NOTCH2NLR: variants seen among roughly 807,000 people sequenced by gnomAD.
NOTCH2NLR encodes notch 2 N-terminal like R, also known as notch 2 N-terminal like R (pseudogene).
NOTCH2NLR carries 33 observed loss-of-function variants against 35.6 expected under a neutral mutation model. The ratio of observed to expected loss-of-function variants is 0.93; its 90% CI spans 0.70 to 1.24. The LOEUF is 1.24. Ranked by LOEUF, NOTCH2NLR falls within the 50% of genes most tolerant of loss-of-function variation. The pLI is 0.00. For synonymous variants in NOTCH2NLR, 103 were observed against 141.0 expected (o/e 0.73, Z 1.91); for missense variants, 276 against 362.2 (o/e 0.76, Z 1.93).
At chr1:120,730,654 G>A (rs1650865940) in intron 1 of NOTCH2NLR, among the ~76,000 whole-genome samples, 1 of 109,908 alleles carries the variant, frequency 9.1e-6, no homozygotes, top group Admixed American at 8.8e-5. Context: ...TCTTAAAAAG[G>A]AGAGTAAAGC....
At chr1:120,752,546 ATATATATATTT>A (rs1228097117) in intron 1 of NOTCH2NLR, among the ~76,000 whole-genome samples, 12 of 12,758 alleles carry the variant, frequency 9.4e-4, no homozygotes, top group African/African-American at 3.8e-3. Context: ...ATATATATAT[ATATATATATTT>A]TTTTTTTTTT....
In NOTCH2NLR at chr1:120,793,734, G is replaced by T; in HGVS notation, c.752-13G>T. On this transcript the variant is annotated splice_polypyrimidine_tract_variant and intron_variant, in intron 4 of 4. Coordinates refer to ENST00000624419, the Ensembl canonical transcript of NOTCH2NLR. ...ATGAGTGGCTAGAAAATTGTTTATT[G>T]TCCCTTTTGTAGAAACAGTGAGAAA... The T allele has an allele frequency of 1.7e-5, 12 of 711,794 alleles. 4 individuals are homozygous for T. The highest frequency in any genetic ancestry group is 3.0e-5 in the South Asian group (2 of 65,634). 44.1% of individuals were successfully genotyped at this position (711,794 alleles called of 1,614,324 possible).
At position 120,784,880 on chromosome 1, in the gene NOTCH2NLR, C is replaced by T. The variant is rs1323027618; in HGVS notation, c.156-94C>T. On this transcript the variant is annotated intron_variant, in intron 2 of 4. Transcript: ENST00000624419. ...TTGTAGGTCTGTTGATTCACAATCT[C>T]GTGCTTTCTTGATTGGACTGTATTG... 1,998 of 1,037,520 alleles carry T rather than the reference C, an allele frequency of 1.9e-3. 342 individuals are homozygous for T. The highest frequency in any genetic ancestry group is 8.9e-3 in the Middle Eastern group (33 of 3,716). 64.3% of individuals were successfully genotyped at this position (1,037,520 alleles called of 1,614,324 possible).
At chr1:120,784,001 G>A (rs1361877167) in intron 2 of NOTCH2NLR, among the ~76,000 whole-genome samples, 1 of 112,136 alleles carries the variant, frequency 8.9e-6, no homozygotes, top group Non-Finnish European at 1.7e-5. Flanking sequence ...AAGTTTTGTT[G>A]CAGAGGGATA....
At chr1:120,769,764 TG>T (rs1405030955) in intron 2 of NOTCH2NLR, among the ~76,000 whole-genome samples, 1 of 111,232 alleles carries the variant, frequency 9.0e-6, no homozygotes, top group East Asian at 2.1e-4. Flanking sequence ...CACACTTCTT[TG>T]GGAAGTCATA....
chr1:120,763,673 T>A lies in NOTCH2NLR; in HGVS notation c.119T>A (p.Met40Lys). ...TATGAACCCTGTGTAAATAAAGGAATGTGTGTTACCTACCACAGTGGCACA... is the reference window on the plus strand; with the variant it reads ...TATGAACCCTGTGTAAATAAAGGAAAGTGTGTTACCTACCACAGTGGCACA... The change falls in exon 2 of 5, where the codon ATG becomes AAG. Residue 40 changes from methionine (M) to lysine (K), a missense_variant. Coordinates refer to ENST00000624419, the Ensembl canonical transcript of NOTCH2NLR. 6 of 1,419,806 alleles carry A rather than the reference T, an allele frequency of 4.2e-6. 1 individual carries two copies. The South Asian group carries it at 7.3e-5, about 17-fold the overall frequency. The allele number at this position is 1,419,806 out of a possible 1,614,324, so 88.0% of individuals were successfully genotyped here. A position where few individuals can be genotyped will look rare whatever the true frequency, so the allele number is the denominator to read the frequency against.
intron 2 of NOTCH2NLR, among the ~76,000 whole-genome samples, chr1:120,770,317 C>G (rs1475037629): frequency 9.3e-6 from 1 of 107,890 alleles, no homozygotes; most frequent in East Asian, 2.2e-4. Context: ...CTATAAGCGC[C>G]CGCCACCACG....
chr1:120,728,891 C>T (rs1394852166), intron 1 of NOTCH2NLR, among the ~76,000 whole-genome samples: 36 of 103,588 alleles, frequency 3.5e-4, no homozygotes, highest in Middle Eastern at 4.3e-3. Context: ...TGAATAAATA[C>T]TTGAGAGAAT....
chr1:120,767,781 G>C lies in NOTCH2NLR; in HGVS notation c.155+4072G>C. Among the ~76,000 whole-genome samples, 2 of 113,226 alleles carry C rather than the reference G, an allele frequency of 1.8e-5. 1 individual carries two copies. Among genetic ancestry groups the C allele is most frequent in the Non-Finnish European group, 3.3e-5 (2 of 59,842 alleles). 74.3% of individuals were successfully genotyped at this position (113,226 alleles called of 152,430 possible). A position where few individuals can be genotyped will look rare whatever the true frequency, so the allele number is the denominator to read the frequency against. ...TATAAACCATTCTAAATCCCAATTTGATTAAAGATCATGGACAACTCAAGT... is the reference window on the plus strand; with the variant it reads ...TATAAACCATTCTAAATCCCAATTTCATTAAAGATCATGGACAACTCAAGT... On this transcript the variant is annotated intron_variant, in intron 2 of 4. Transcript: ENST00000624419.
intron 1 of NOTCH2NLR, among the ~76,000 whole-genome samples, chr1:120,743,736 G>GA (rs1160666093): frequency 8.5e-6 from 1 of 117,246 alleles, no homozygotes. Context: ...TGTAGAGTTT[G>GA]AAAAAACACC....
intron 1 of NOTCH2NLR, among the ~76,000 whole-genome samples, chr1:120,743,761 CAGA>C (rs1650955517): frequency 8.1e-6 from 1 of 122,986 alleles, no homozygotes; most frequent in East Asian, 2.2e-4. Context: ...GCCTGCATTC[CAGA>C]AGTTCTGGTA....
chr1:120,726,953 C>G (rs1650821640), intron 1 of NOTCH2NLR, among the ~76,000 whole-genome samples: 1 of 116,334 alleles, frequency 8.6e-6, no homozygotes, highest in African/African-American at 5.1e-5. Flanking sequence ...GACTTCAAGA[C>G]CTTTAGAGAA....
In NOTCH2NLR at chr1:120,790,308, C is replaced by T. The variant is rs1400359529; in HGVS notation, c.416-2853C>T. ...GGATTACAGGTGTGAGCCACCACAC[C>T]GGGCCGATTCTGATCATCTTTTATA... is the stretch of plus-strand genomic sequence containing the variant. On this transcript the variant is annotated intron_variant, in intron 3 of 4. Coordinates refer to ENST00000624419, the Ensembl canonical transcript of NOTCH2NLR. 8.0e-5 allele frequency among the ~76,000 whole-genome samples: 9 copies of T among 112,142 alleles called. 2 individuals are homozygous for T. The East Asian group carries it at 1.3e-3, about 17-fold the overall frequency. The allele number at this position is 112,142 out of a possible 152,430, so 73.6% of individuals were successfully genotyped here. A position where few individuals can be genotyped will look rare whatever the true frequency, so the allele number is the denominator to read the frequency against.
rs1324611368 is a variant in NOTCH2NLR, at chr1:120,770,708, A to G, written c.155+6999A>G. Among the ~76,000 whole-genome samples, 4 of 119,802 alleles carry G rather than the reference A, an allele frequency of 3.3e-5. 1 individual carries two copies. The highest frequency in any genetic ancestry group is 6.5e-5 in the Non-Finnish European group (4 of 61,554). The allele number at this position is 119,802 out of a possible 152,430, so 78.6% of individuals were successfully genotyped here. A position where few individuals can be genotyped will look rare whatever the true frequency, so the allele number is the denominator to read the frequency against. ...CCCATCACTCTGTAGCTAACCTGAG[A>G]TATACTCGTGGAAAATGTACTGTCA... On this transcript the variant is annotated intron_variant, in intron 2 of 4. Transcript: ENST00000624419.
At position 120,792,502 on chromosome 1, in the gene NOTCH2NLR, G is replaced by T. The variant is rs1277255144; in HGVS notation, c.416-659G>T. ...AGTTCACTAGGAAAACAGAAGGGAAGTTGATTTTTTTTTTTTTGAAATAGA... is the reference window on the plus strand; with the variant it reads ...AGTTCACTAGGAAAACAGAAGGGAATTTGATTTTTTTTTTTTTGAAATAGA... On this transcript the variant is annotated intron_variant, in intron 3 of 4. Coordinates refer to ENST00000624419, the Ensembl canonical transcript of NOTCH2NLR. 3.7e-5 allele frequency among the ~76,000 whole-genome samples: 4 copies of T among 107,428 alleles called. 1 individual carries two copies. Among genetic ancestry groups the T allele is most frequent in the Non-Finnish European group, 7.0e-5 (4 of 57,226 alleles). The allele number at this position is 107,428 out of a possible 152,430, so 70.5% of individuals were successfully genotyped here. A position where few individuals can be genotyped will look rare whatever the true frequency, so the allele number is the denominator to read the frequency against.
At chr1:120,755,143 T>C in intron 1 of NOTCH2NLR, among the ~76,000 whole-genome samples, 1 of 95,166 alleles carries the variant, frequency 1.1e-5, no homozygotes, top group Non-Finnish European at 2.2e-5. Flanking sequence ...GAGCCAGCAC[T>C]TATAATACAT....
chr1:120,729,663 C>T (rs1292908893), intron 1 of NOTCH2NLR, among the ~76,000 whole-genome samples: 3 of 118,892 alleles, frequency 2.5e-5, no homozygotes, highest in African/African-American at 9.5e-5. Flanking sequence ...CCTCCCTGCA[C>T]AGGTGGGCAC....
chr1:120,780,062 A>C (rs1651345933), intron 2 of NOTCH2NLR, among the ~76,000 whole-genome samples: 1 of 130,248 alleles, frequency 7.7e-6, no homozygotes, highest in Non-Finnish European at 1.6e-5. Context: ...GATTTTGTGG[A>C]ACATTTGGAT....
chr1:120,756,662 C>G (rs1651083851), intron 1 of NOTCH2NLR, among the ~76,000 whole-genome samples: 1 of 117,784 alleles, frequency 8.5e-6, no homozygotes, highest in Non-Finnish European at 1.6e-5. Flanking sequence ...GACTTAATTA[C>G]TCATGTTAGA....
Sources: gnomAD v4.1 joint callset for allele counts (sites outside exome capture counted in the v4.1 genomes callset) on GRCh38, gnomAD v4.1.1 for gene constraint, MANE v1.5 for transcripts, NCBI Gene and HGNC (gene_info 2026-07-23, HGNC 2026-07-21) for gene names.